The following STK32C variants were observed in gnomAD, a reference collection of about 807,000 sequenced individuals.
STK32C encodes the protein serine/threonine-protein kinase 32C.
A neutral mutation model predicts 56.5 loss-of-function variants in STK32C; 31 were observed. The observed-to-expected ratio is 0.55, with a 90% CI of 0.41 to 0.74. STK32C has a LOEUF of 0.74. STK32C is among the 30% of genes least tolerant of loss of function. The pLI is 0.00. For missense variants in STK32C, 544 were observed against 676.9 expected (o/e 0.80, Z 2.18); for synonymous variants, 309 against 289.4 (o/e 1.07, Z -0.69).
rs189105737 is a variant in STK32C, at chr10:132,318,171, G to A, written c.301+13265C>T. On this transcript the variant is annotated intron_variant, in intron 1 of 3. Coordinates refer to the STK32C transcript ENST00000368620. ...TAGTCCCAGCTACTTGGGATGCTGA[G>A]GCAGGAGAATCACTTTAACCCGGGA... Among the ~76,000 whole-genome samples, 217 of 152,112 alleles carry A rather than the reference G, an allele frequency of 1.4e-3. 2 individuals are homozygous for A. The highest frequency in any genetic ancestry group is 4.6e-3 in the African/African-American group (192 of 41,484).
chr10:132,284,204 G>A (rs1394790643), intron 1 of STK32C, among the ~76,000 whole-genome samples: 5 of 151,238 alleles, frequency 3.3e-5, no homozygotes, highest in South Asian at 4.2e-4. Flanking sequence ...GGTCCGCAGC[G>A]GCTTGCCGGG....
chr10:132,299,654 C>T (rs962813974), intron 1 of STK32C, among the ~76,000 whole-genome samples: 5 of 152,242 alleles, frequency 3.3e-5, no homozygotes, highest in African/African-American at 1.2e-4. Context: ...CAGAGACACC[C>T]GTCCCCACTA....
Position 132,307,943 on chromosome 10 carries a change from G to A in STK32C, c.-110C>T, listed in dbSNP as rs2066131419. On this transcript the variant is annotated 5_prime_UTR_variant, in exon 1 of 12. Transcript: ENST00000298630. The surrounding 1 kb of genome is among the most constrained non-coding windows in gnomAD (Gnocchi z 4.4). ...TCGGGGCCGGCAGCGCCCGCCGTGC[G>A]CTCTTCTGGGCGGTGGAACCCGCCC... 2 of 1,049,606 alleles carry A rather than the reference G, an allele frequency of 1.9e-6. No homozygotes were observed. Among genetic ancestry groups the A allele is most frequent in the Non-Finnish European group, 2.3e-6 (2 of 871,000 alleles). The allele number at this position is 1,049,606 out of a possible 1,614,324, so 65.0% of individuals were successfully genotyped here.
chr10:132,223,750 C>G (rs2062770527), intron 8 of STK32C, among the ~76,000 whole-genome samples: 1 of 152,208 alleles, frequency 6.6e-6, no homozygotes, highest in Non-Finnish European at 1.5e-5. Flanking sequence ...GCAGCCGGGC[C>G]CGTGTGGCAC....
In STK32C at chr10:132,302,996, T is replaced by A. The variant is rs1315292132; in HGVS notation, c.262+4576A>T. Among the ~76,000 whole-genome samples the A allele has an allele frequency of 2.0e-5, 3 of 152,116 alleles. No individual in the cohort carries two copies. The East Asian group carries it at 5.8e-4, about 29-fold the overall frequency. Reference sequence around the variant, plus strand: ...ACGAGAATTTAGCCAAGTGCAGTCATGTGCAAGAGGCAGCGAAGTCTCAGC... The same window carrying A: ...ACGAGAATTTAGCCAAGTGCAGTCAAGTGCAAGAGGCAGCGAAGTCTCAGC... On this transcript the variant is annotated intron_variant, in intron 1 of 11. Coordinates refer to ENST00000298630, the MANE Select transcript of STK32C (RefSeq NM_173575.4).
intron 10 of STK32C, among the ~76,000 whole-genome samples, chr10:132,216,479 AAAAG>A (rs1347651009): frequency 5.3e-5 from 8 of 151,910 alleles, no homozygotes; most frequent in African/African-American, 1.9e-4. Flanking sequence ...AAAAAAAAAA[AAAAG>A]AGAGAAAAAA....
intron 1 of STK32C, among the ~76,000 whole-genome samples, chr10:132,264,562 C>T (rs527457748): frequency 9.8e-5 from 15 of 152,286 alleles, no homozygotes; most frequent in African/African-American, 3.4e-4. Context: ...GAGGAGGGAC[C>T]CGGGCCAGGA....
intron 1 of STK32C, among the ~76,000 whole-genome samples, chr10:132,260,306 C>T (rs1014468009): frequency 1.1e-4 from 16 of 152,278 alleles, no homozygotes; most frequent in Admixed American, 3.9e-4. Flanking sequence ...CCGGGGTCCT[C>T]GCAGGTGTCC....
intron 1 of STK32C, among the ~76,000 whole-genome samples, chr10:132,301,723 C>T (rs547926594): frequency 2.0e-5 from 3 of 152,228 alleles, no homozygotes; most frequent in Non-Finnish European, 2.9e-5. Context: ...ACGTCGGCCA[C>T]GTGTGGAGAA....
chr10:132,274,701 C>T (rs76331032), intron 1 of STK32C, among the ~76,000 whole-genome samples: 2,349 of 152,298 alleles, frequency 0.015, 63 homozygotes, highest in African/African-American at 0.052. Context: ...CGGCTGAGCG[C>T]AAACCTCAAA....
chr10:132,225,226 T>A lies in STK32C; in HGVS notation c.876+7A>T, dbSNP rs964655290. ...AGCCAAGCCCAGGGGCTGCAGGGGGTCCATACCCATCCTCGCAGCAGCTCA... is the reference window on the plus strand; with the variant it reads ...AGCCAAGCCCAGGGGCTGCAGGGGGACCATACCCATCCTCGCAGCAGCTCA... On this transcript the variant is annotated splice_region_variant and intron_variant, in intron 7 of 11. Transcript: ENST00000298630. The A allele has an allele frequency of 1.2e-6, 2 of 1,601,236 alleles. No homozygotes were observed. The highest frequency in any genetic ancestry group is 1.7e-5 in the Admixed American group (1 of 59,374).
chr10:132,324,704 G>C (rs1023982560), intron 1 of STK32C, among the ~76,000 whole-genome samples: 2 of 152,190 alleles, frequency 1.3e-5, no homozygotes, highest in East Asian at 3.8e-4. Context: ...GTTTATTTCT[G>C]AGCTAAATAT....
intron 1 of STK32C, among the ~76,000 whole-genome samples, chr10:132,254,386 C>T (rs1320839533): frequency 7.9e-5 from 12 of 152,344 alleles, no homozygotes; most frequent in African/African-American, 4.8e-5. Flanking sequence ...AAAATACTCC[C>T]AATGAGGACA....
rs570622511 is a variant in STK32C at position 132,254,510 on chromosome 10, G to C, written c.263-8555C>G. ...ACGAAGGCTGCCCCCAGACCTGGGA[G>C]CCCAGGAGAGTAAAATAAGCCTGCC... On this transcript the variant is annotated intron_variant, in intron 1 of 11. Transcript: ENST00000298630. Among the ~76,000 whole-genome samples, 485 of 126,722 alleles carry C rather than the reference G, an allele frequency of 3.8e-3. 6 individuals are homozygous for C. The highest frequency in any genetic ancestry group is 0.015 in the African/African-American group (460 of 31,372). 83.1% of individuals were successfully genotyped at this position (126,722 alleles called of 152,430 possible). A position where few individuals can be genotyped will look rare whatever the true frequency, so the allele number is the denominator to read the frequency against.
chr10:132,227,982 G>A lies in STK32C; in HGVS notation c.465C>T (p.Asn155=), dbSNP rs1182653094. The change falls in exon 3 of 12, where the codon AAC becomes AAT. Residue 155 remains asparagine (N), a synonymous_variant. Coordinates refer to ENST00000298630, the MANE Select transcript of STK32C (RefSeq NM_173575.4). The part of the protein sequence containing the change: ...LQEIEHVFLV[N]LWYSFQDEED... The stretch of plus-strand genomic sequence containing the variant: ...CGAGGCCATGGCAGGCTCACCAGAG[G>A]TTCACCAGGAAGACGTGCTCGATCT... 5 of 1,613,074 alleles carry A rather than the reference G, an allele frequency of 3.1e-6. No individual in the cohort carries two copies. The highest frequency in any genetic ancestry group is 1.3e-5 in the African/African-American group (1 of 74,940).
At chr10:132,217,699 T>C (rs953432872) in intron 10 of STK32C, among the ~76,000 whole-genome samples, 3 of 152,100 alleles carry the variant, frequency 2.0e-5, no homozygotes, top group Non-Finnish European at 4.4e-5. Flanking sequence ...GTCATGATAG[T>C]GAATGAGTCT....
At chr10:132,331,831 C>A in exon 1 of STK32C, 1 of 1,536,744 alleles carries the variant, frequency 6.5e-7, no homozygotes. Context: ...TTCAAGGCCG[C>A]GGGCGCGGAA....
intron 2 of STK32C, among the ~76,000 whole-genome samples, chr10:132,241,935 T>C (rs776677379): frequency 6.6e-6 from 1 of 152,090 alleles, no homozygotes; most frequent in Non-Finnish European, 1.5e-5. Flanking sequence ...AGCGAAACCC[T>C]GTCTCTACTA....
upstream of STK32C, among the ~76,000 whole-genome samples, chr10:132,309,818 C>T (rs115047267): frequency 6.6e-6 from 1 of 152,306 alleles, no homozygotes; most frequent in African/African-American, 2.4e-5. Flanking sequence ...ACATCATCGC[C>T]TCTCCTCCTC....
Sources: allele counts gnomAD v4.1 joint callset (sites outside exome capture counted in the v4.1 genomes callset), GRCh38; gene constraint gnomAD v4.1.1; non-coding constraint Gnocchi (gnomAD v3.1); transcripts MANE v1.5; gene names NCBI Gene and HGNC (gene_info 2026-07-23, HGNC 2026-07-21).